FBXW5: variants seen among roughly 807,000 people sequenced by gnomAD.
FBXW5 encodes F-box and WD repeat domain containing 5.
Under a neutral mutation model 50.9 loss-of-function variants are expected in FBXW5, and 74 were observed. The ratio of observed to expected loss-of-function variants is 1.45; its 90% confidence interval spans 1.20 to 1.76. FBXW5 has a LOEUF of 1.76. Ranked by LOEUF, FBXW5 falls within the 40% of genes most tolerant of loss-of-function variation. The pLI is 0.00. For synonymous variants in FBXW5, 523 were observed against 362.2 expected, an observed-to-expected ratio of 1.44 and a Z score of -5.04; for missense variants, 1,073 against 818.8, an observed-to-expected ratio of 1.31 and a Z score of -3.79.
intron 3 of FBXW5, 35 bp from the exon 4 acceptor site, chr9:136,942,978 C>T: frequency 6.2e-7 from 1 of 1,610,992 alleles, no homozygotes; most frequent in Non-Finnish European, 8.5e-7. Context: ...GATCGCCTGG[C>T]CAGGTCGCGG....
In FBXW5 at chr9:136,942,845, G is replaced by C. The variant is rs754016834; in HGVS notation, c.450C>G (p.Asp150Glu). 1 of 1,613,548 alleles carries C rather than the reference G, an allele frequency of 6.2e-7. No individual in the cohort carries two copies. Among genetic ancestry groups the C allele is most frequent in the South Asian group, 1.1e-5 (1 of 91,086 alleles). The change falls in exon 4 of 9, where the codon GAC (aspartate) becomes GAG (glutamate). Residue 150 changes from aspartate to glutamate, a missense_variant. Asp to Glu is a conservative substitution (Grantham distance 45). Transcript: ENST00000325285. ...ACACCCCCGAGGCCAGCAGTAGCGAGTCGTCCTTGTTGAACTGGGAGAACT... is the reference window on the plus strand; with the variant it reads ...ACACCCCCGAGGCCAGCAGTAGCGACTCGTCCTTGTTGAACTGGGAGAACT... ...YTQFSQFNKD[D>E]SLLLASGVFL...
chr9:136,944,218 G>A (rs1850941178), intron 1 of FBXW5, 112 bp from the exon 2 acceptor site: 2 of 1,212,740 alleles, frequency 1.6e-6, no homozygotes, highest in Non-Finnish European at 1.1e-6. Flanking sequence ...GGGGCTGCGT[G>A]TCTGCAGGGG....
chr9:136,944,129 C>A, intron 1 of FBXW5, 23 bp from the exon 2 acceptor site: 1 of 1,529,250 alleles, frequency 6.5e-7, no homozygotes, highest in South Asian at 1.2e-5. Context: ...AACGGCTGCC[C>A]TCAGCCCAGG....
intron 3 of FBXW5, 99 bp downstream of exon 3, chr9:136,943,250 C>G (rs1432553945): frequency 1.8e-5 from 7 of 386,368 alleles, no homozygotes; most frequent in Non-Finnish European, 2.3e-5. Flanking sequence ...CCTGACCCAC[C>G]CCCCCCCCCA....
Position 136,941,395 on chromosome 9 carries a change from G to A in FBXW5, c.1313C>T (p.Pro438Leu). ...CAGCAGGTCAATCTCCTCCGCGATT[G>A]GTGGCGGCTGCATGGGGTCGGCCAC... Reference protein sequence around the residue: ...AVVADPMQPPPIAEEIDLLVF... With the variant: ...AVVADPMQPPLIAEEIDLLVF... The change falls in exon 8 of 9, where the codon CCA (proline) becomes CTA (leucine). Residue 438 changes from proline (P) to leucine (L), a missense_variant. Physicochemically the swap from Pro to Leu is moderately conservative, Grantham distance 98. Coordinates refer to ENST00000325285, the MANE Select transcript of FBXW5 (RefSeq NM_018998.4). 6.2e-7 allele frequency: 1 copy of A among 1,611,222 alleles called. No individual in the cohort carries two copies. Among genetic ancestry groups the A allele is most frequent in the African/African-American group, 1.3e-5 (1 of 75,062 alleles).
rs1170047898 is a variant in FBXW5 at position 136,942,634 on chromosome 9, G to C, written c.588C>G (p.Leu196=). The C allele has an allele frequency of 6.2e-7, 1 of 1,609,728 alleles. No homozygotes were observed. The highest frequency in any genetic ancestry group is 2.2e-5 in the East Asian group (1 of 44,748). The change falls in exon 5 of 9, where the codon CTC becomes CTG. Residue 196 remains leucine, a synonymous_variant. Transcript: ENST00000325285. The part of the protein sequence containing the change: ...NKPYDVFGCW[L]TETSLISGNL... The stretch of plus-strand genomic sequence containing the variant: ...TCCCCGAGATGAGGCTGGTCTCGGT[G>C]AGCCAACAGCCAAACACGTCATAGG...
chr9:136,940,923 A>T lies in FBXW5; in HGVS notation c.*5T>A, dbSNP rs1588456406. On this transcript the variant is annotated 3_prime_UTR_variant, in exon 9 of 9. Coordinates refer to ENST00000325285, the MANE Select transcript of FBXW5 (RefSeq NM_018998.4). ...TCCCGGTGGCTCCAGTGCACCCAGC[A>T]CACCTCAGCGCCTCTGGCTGGCAAG... 3 of 1,577,828 alleles carry T rather than the reference A, an allele frequency of 1.9e-6. No homozygotes were observed. Among genetic ancestry groups the T allele is most frequent in the East Asian group, 4.6e-5 (2 of 43,266 alleles).
In FBXW5 at chr9:136,941,439, GGC is replaced by G; in HGVS notation, c.1267_1268del (p.Ala423LeufsTer21). ...DNRYLYVNSR[A>X]WPNGAVVADP... is the part of the protein sequence containing the mutation. Reference sequence around the variant, plus strand: ...CGGCCACCACCGCACCGTTGGGCCAGGCGCGGCTGTTCACGTACAGGTACCTG... The same window carrying G: ...CGGCCACCACCGCACCGTTGGGCCAGGCGGCTGTTCACGTACAGGTACCTG... On this transcript the variant is annotated frameshift_variant, in exon 8 of 9. Transcript: ENST00000325285. LOFTEE classifies it high-confidence loss of function. The G allele has an allele frequency of 6.2e-7, 1 of 1,608,498 alleles. No individual in the cohort carries two copies. The highest frequency in any genetic ancestry group is 8.5e-7 in the Non-Finnish European group (1 of 1,179,864).
rs1300253240 is a variant in FBXW5 at position 136,942,582 on chromosome 9, A to T, written c.640T>A (p.Ser214Thr). The T allele has an allele frequency of 3.7e-6, 6 of 1,611,496 alleles. No individual in the cohort carries two copies. The highest frequency in any genetic ancestry group is 2.7e-5 in the African/African-American group (2 of 74,734). The change falls in exon 5 of 9, where the codon TCC (serine) becomes ACC (threonine). Residue 214 changes from serine (S) to threonine (T), a missense_variant. Coordinates refer to ENST00000325285, the MANE Select transcript of FBXW5 (RefSeq NM_018998.4). ...TTGTTGAGCCACAGCACCGAGCAGG[A>T]GGTGATATCTCCGATGCGGTGCAGG... ...GNLHRIGDIT[S>T]CSVLWLNNAF...
Position 136,941,020 on chromosome 9 carries a change from C to CT in FBXW5, c.1608dup (p.Ala537SerfsTer44). The CT allele has an allele frequency of 6.4e-7, 1 of 1,553,556 alleles. No homozygotes were observed. Among genetic ancestry groups the CT allele is most frequent in the Middle Eastern group, 1.7e-4 (1 of 5,988 alleles). On this transcript the variant is annotated frameshift_variant, in exon 9 of 9. Coordinates refer to ENST00000325285, the MANE Select transcript of FBXW5 (RefSeq NM_018998.4). LOFTEE classifies it high-confidence loss of function. The stretch of plus-strand genomic sequence containing the variant: ...CGCATGGTGCGTGGGGAGCGCCAGG[C>CT]TTTGATGGTGGCGTCGTCGCTGGCC...
chr9:136,943,473 A>G lies in FBXW5; in HGVS notation c.227T>C (p.Leu76Pro), dbSNP rs375551647. Residue 76 changes from leucine (L) to proline (P), a missense_variant, in exon 3 of 9, where the codon CTG becomes CCG. Leu to Pro is a moderately conservative substitution (Grantham distance 98). Coordinates refer to ENST00000325285, the MANE Select transcript of FBXW5 (RefSeq NM_018998.4). ...AMSWYEEFQR[L>P]YDTVPCVEVQ... The stretch of plus-strand genomic sequence containing the variant: ...CTCCACGCAGGGCACCGTGTCATAC[A>G]GCCGCTGGAACTCCTCGTACCAGGA... The G allele has an allele frequency of 1.9e-6, 3 of 1,611,942 alleles. No individual in the cohort carries two copies. In the African/African-American group the frequency reaches 4.0e-5, roughly 22 times the overall value.
At chr9:136,941,966 C>T (rs1463062181) in intron 6 of FBXW5, 80 bp downstream of exon 6, 7 of 1,478,382 alleles carry the variant, frequency 4.7e-6, no homozygotes, top group Non-Finnish European at 6.3e-6. Context: ...GACTTGCTTG[C>T]TGTCTGCCCC....
rs886653369 is a variant in FBXW5 at position 136,940,488 on chromosome 9, A to C, written c.*440T>G. Reference sequence around the variant, plus strand: ...CTGAACGGGTGGTGCGTGGACATGCAACACACTCGGGCCCACAGCAGCGTG... The same window carrying C: ...CTGAACGGGTGGTGCGTGGACATGCCACACACTCGGGCCCACAGCAGCGTG... On this transcript the variant is annotated 3_prime_UTR_variant, in exon 9 of 9. Coordinates refer to ENST00000325285, the MANE Select transcript of FBXW5 (RefSeq NM_018998.4). The C allele has an allele frequency of 4.1e-6, 1 of 244,148 alleles. No individual in the cohort carries two copies. Among genetic ancestry groups the C allele is most frequent in the Non-Finnish European group, 8.2e-6 (1 of 121,730 alleles). The allele number at this position is 244,148 out of a possible 1,614,324, so 15.1% of individuals were successfully genotyped here. A position where few individuals can be genotyped will look rare whatever the true frequency, so the allele number is the denominator to read the frequency against.
Position 136,940,439 on chromosome 9 carries a change from G to A in FBXW5, c.*489C>T. ...GACAGAGACTGGACAACAATGTGCTGTTGCCAACTGTTTATTCAGGGCCCT... is the reference window on the plus strand; with the variant it reads ...GACAGAGACTGGACAACAATGTGCTATTGCCAACTGTTTATTCAGGGCCCT... On this transcript the variant is annotated 3_prime_UTR_variant, in exon 9 of 9. Coordinates refer to ENST00000325285, the MANE Select transcript of FBXW5 (RefSeq NM_018998.4). 1 of 201,292 alleles carries A rather than the reference G, an allele frequency of 5.0e-6. No individual in the cohort carries two copies. The allele number at this position is 201,292 out of a possible 1,614,324, so 12.5% of individuals were successfully genotyped here.
At position 136,944,724 on chromosome 9, in the gene FBXW5, G is replaced by T; in HGVS notation, c.-154C>A. On this transcript the variant is annotated 5_prime_UTR_variant, in exon 1 of 9. Transcript: ENST00000325285. Reference sequence around the variant, plus strand: ...CAGGCCCGACGCCACGAGCCCCGAGGCATCGATGGCCGAGGAAGGCAGAGC... The same window carrying T: ...CAGGCCCGACGCCACGAGCCCCGAGTCATCGATGGCCGAGGAAGGCAGAGC... 1 of 985,644 alleles carries T rather than the reference G, an allele frequency of 1.0e-6. No homozygotes were observed. Among genetic ancestry groups the T allele is most frequent in the Non-Finnish European group, 1.2e-6 (1 of 829,912 alleles). 61.1% of individuals were successfully genotyped at this position (985,644 alleles called of 1,614,324 possible). A position where few individuals can be genotyped will look rare whatever the true frequency, so the allele number is the denominator to read the frequency against.
Position 136,941,259 on chromosome 9 carries a change from G to A in FBXW5, c.1449C>T (p.Phe483=), listed in dbSNP as rs766063269. The stretch of plus-strand genomic sequence containing the variant: ...CACGCCGCGCCCTGCACCTGGCCAC[G>A]AAGTCCCTGCTGACGTCCAGGAAGA... ...FFIFLDVSRD[F]VASGAEDRHG... The change falls in exon 8 of 9, where the codon TTC becomes TTT. Residue 483 remains phenylalanine, a synonymous_variant. Transcript: ENST00000325285. 1.5e-5 allele frequency: 24 copies of A among 1,605,002 alleles called. No homozygotes were observed. Among genetic ancestry groups the A allele is most frequent in the Middle Eastern group, 1.6e-4 (1 of 6,084 alleles).
At chr9:136,943,766 G>T (rs1458201890) in intron 2 of FBXW5, 125 bp downstream of exon 2, 1 of 1,158,360 alleles carries the variant, frequency 8.6e-7, no homozygotes, top group East Asian at 2.6e-5. Flanking sequence ...CCTCTATCAG[G>T]GTGTGGGGGG....
At chr9:136,944,425 C>CG in intron 1 of FBXW5, 169 bp downstream of exon 1, 1 of 878,126 alleles carries the variant, frequency 1.1e-6, no homozygotes, top group East Asian at 1.0e-4. Flanking sequence ...AGAGGAAGCT[C>CG]GGGGCGGCCA....
rs781362393 is a variant in FBXW5, at chr9:136,943,550, C to T, written c.194-44G>A. The T allele has an allele frequency of 1.2e-5, 19 of 1,571,218 alleles. No individual in the cohort carries two copies. The East Asian group carries it at 2.8e-4, about 23-fold the overall frequency. On this transcript the variant is annotated intron_variant, in intron 2 of 8. Coordinates refer to ENST00000325285, the MANE Select transcript of FBXW5 (RefSeq NM_018998.4). ...CAGTCCTGGGCCCGGGCCTTCCTCG[C>T]AGTCACGGCCATGAGCCGAGTGTGG...
Sources: allele counts gnomAD v4.1 joint callset, GRCh38; gene constraint gnomAD v4.1.1; transcripts MANE v1.5; gene names NCBI Gene and HGNC (gene_info 2026-07-23, HGNC 2026-07-21).